The following DNAAF9 variants were observed in gnomAD, a reference collection of about 807,000 sequenced individuals.
The protein encoded by DNAAF9 is dynein axonemal assembly factor 9.
A neutral mutation model predicts 167.0 loss-of-function variants in DNAAF9; 90 were observed. The observed-to-expected ratio is 0.54, with a 90% CI of 0.45 to 0.64. The LOEUF is 0.64. Among genes scored for constraint, DNAAF9 ranks in the 30% least tolerant of loss-of-function variants. The pLI, the probability that DNAAF9 is intolerant of heterozygous loss-of-function variation, is 0.00. For synonymous variants in DNAAF9, 491 were observed against 508.8 expected (o/e 0.96, Z 0.47); for missense variants, 1,315 against 1,442.2 (o/e 0.91, Z 1.43).
At chr20:3,343,598 C>T (rs942477597) in intron 9 of DNAAF9, 78 bp downstream of exon 9, 43 of 1,056,662 alleles carry the variant, frequency 4.1e-5, no homozygotes, top group East Asian at 3.6e-4. Context: ...AACTTGAATG[C>T]ACCCCCACAG....
intron 12 of DNAAF9, among the ~76,000 whole-genome samples, chr20:3,327,053 G>A (rs1431645889): frequency 6.6e-6 from 1 of 152,064 alleles, no homozygotes; most frequent in African/African-American, 2.4e-5. Context: ...TGGAACCTCC[G>A]GGTAGGAGAC....
intron 3 of DNAAF9, among the ~76,000 whole-genome samples, chr20:3,378,084 T>G (rs1375099216): frequency 6.6e-6 from 1 of 152,162 alleles, no homozygotes; most frequent in African/African-American, 2.4e-5. Flanking sequence ...ACAGCCTCCA[T>G]CTACTGAGGC....
At chr20:3,299,683 T>C (rs898349503) in intron 21 of DNAAF9, among the ~76,000 whole-genome samples, 2 of 152,204 alleles carry the variant, frequency 1.3e-5, no homozygotes, top group Non-Finnish European at 2.9e-5. Context: ...CAAAAATGAT[T>C]TGATACAAAA....
At chr20:3,281,608 T>C in intron 28 of DNAAF9, 33 bp downstream of exon 28, 1 of 1,550,134 alleles carries the variant, frequency 6.5e-7, no homozygotes, top group Non-Finnish European at 8.7e-7. Flanking sequence ...CAAATCACTT[T>C]CAGTACACTT....
At position 3,294,130 on chromosome 20, in the gene DNAAF9, C is replaced by G. The variant is rs2069019468; in HGVS notation, c.2238+9G>C. 1 of 1,433,090 alleles carries G rather than the reference C, an allele frequency of 7.0e-7. No individual in the cohort carries two copies. Among genetic ancestry groups the G allele is most frequent in the South Asian group, 1.1e-5 (1 of 87,322 alleles). The allele number at this position is 1,433,090 out of a possible 1,614,324, so 88.8% of individuals were successfully genotyped here. ...GTGAATTCCCAGCATATCTGGTGAG[C>G]TCCTCTACCTTGTCACTTTCTATTC... On this transcript the variant is annotated intron_variant, in intron 25 of 36. Transcript: ENST00000252032.
At position 3,376,268 on chromosome 20, in the gene DNAAF9, A is replaced by T; in HGVS notation, c.318T>A (p.His106Gln). 1 of 1,612,590 alleles carries T rather than the reference A, an allele frequency of 6.2e-7. No individual in the cohort carries two copies. Among genetic ancestry groups the T allele is most frequent in the Non-Finnish European group, 8.5e-7 (1 of 1,178,998 alleles). ...VIILIKSDSV[H>Q]LYCNPVNFRY... ...GAAAGTTTACAGGATTACAGTACAGATGGACGCTATCCGATTTAATCAATA... is the reference window on the plus strand; with the variant it reads ...GAAAGTTTACAGGATTACAGTACAGTTGGACGCTATCCGATTTAATCAATA... Residue 106 changes from histidine to glutamine, a missense_variant, in exon 4 of 37, where the codon CAT (histidine) becomes CAA (glutamine). Physicochemically the swap from His to Gln is conservative, Grantham distance 24. Around this residue, in one of 2 missense-constraint regions of DNAAF9, gnomAD observed 981 missense variants for 1,012.5 expected, o/e 0.97. Transcript: ENST00000252032.
At chr20:3,400,630 TTTTC>T (rs1268558920) in intron 1 of DNAAF9, among the ~76,000 whole-genome samples, 12 of 152,152 alleles carry the variant, frequency 7.9e-5, no homozygotes, top group African/African-American at 1.9e-4. Flanking sequence ...CCTGCTTTGC[TTTTC>T]TTTCTTTTTT....
chr20:3,271,488 T>C (rs1462227284), intron 29 of DNAAF9, among the ~76,000 whole-genome samples: 5 of 152,276 alleles, frequency 3.3e-5, no homozygotes, highest in African/African-American at 1.2e-4. Flanking sequence ...ATCAGGAAAC[T>C]TACCACACTT....
At chr20:3,380,917 C>A (rs2083641018) in intron 3 of DNAAF9, among the ~76,000 whole-genome samples, 1 of 152,222 alleles carries the variant, frequency 6.6e-6, no homozygotes, top group Non-Finnish European at 1.5e-5. Context: ...ATTAAAGTCA[C>A]AGAGAAAATA....
Position 3,322,240 on chromosome 20 carries a change from C to A in DNAAF9, c.1333G>T (p.Asp445Tyr). 3.7e-6 allele frequency: 6 copies of A among 1,610,612 alleles called. No homozygotes were observed. Among genetic ancestry groups the A allele is most frequent in the Non-Finnish European group, 5.1e-6 (6 of 1,177,672 alleles). Residue 445 changes from aspartate to tyrosine, a missense_variant, in exon 16 of 37, where the codon GAT (aspartate) becomes TAT (tyrosine). By Grantham distance (160) the Asp-to-Tyr change is radical (BLOSUM62 -3). Coordinates refer to ENST00000252032, the MANE Select transcript of DNAAF9 (RefSeq NM_001009984.3). The part of the protein sequence containing the change: ...QGRIVPLDSE[D>Y]SLSFVKTACM... ...ACCGTCTTCACAAAGGATAAGCTAT[C>A]TTCACTGTCCAGCGGTACAATTCTA... is the stretch of plus-strand genomic sequence containing the variant.
chr20:3,330,143 GAA>G (rs1321286653), intron 12 of DNAAF9, among the ~76,000 whole-genome samples: 1 of 152,238 alleles, frequency 6.6e-6, no homozygotes, highest in Non-Finnish European at 1.5e-5. Context: ...AATCTAGAGA[GAA>G]GAGCAGATGG....
chr20:3,369,437 T>C (rs949450571), intron 6 of DNAAF9, among the ~76,000 whole-genome samples: 1 of 151,824 alleles, frequency 6.6e-6, no homozygotes, highest in South Asian at 2.1e-4. Flanking sequence ...AGTGTAGTGG[T>C]GCGATCTCAG....
chr20:3,349,425 T>G (rs2123140868), intron 7 of DNAAF9, among the ~76,000 whole-genome samples: 1 of 152,156 alleles, frequency 6.6e-6, no homozygotes, highest in South Asian at 2.1e-4. Flanking sequence ...GCACCTTATT[T>G]TAGCAACCCT....
chr20:3,260,821 G>GA (rs2068372540), intron 31 of DNAAF9, among the ~76,000 whole-genome samples: 1 of 152,172 alleles, frequency 6.6e-6, no homozygotes, highest in Non-Finnish European at 1.5e-5. Context: ...TTGTAGAGAC[G>GA]AGGTTTTGCC....
At chr20:3,358,846 T>C (rs1300040715) in intron 7 of DNAAF9, among the ~76,000 whole-genome samples, 1 of 152,204 alleles carries the variant, frequency 6.6e-6, no homozygotes, top group African/African-American at 2.4e-5. Flanking sequence ...TATCTATCTA[T>C]GGCCACTGAG....
At chr20:3,312,438 T>C (rs1450345045) in intron 20 of DNAAF9, among the ~76,000 whole-genome samples, 2 of 150,656 alleles carry the variant, frequency 1.3e-5, no homozygotes, top group Non-Finnish European at 3.0e-5. Context: ...AAAAAAAAAG[T>C]ATGGAAAAAA....
intron 11 of DNAAF9, among the ~76,000 whole-genome samples, 166 bp from the exon 12 acceptor site, chr20:3,330,848 G>C (rs1488152358): frequency 6.7e-6 from 1 of 149,690 alleles, no homozygotes; most frequent in Non-Finnish European, 1.5e-5. Context: ...CTGGAGTGCA[G>C]TGGCGTAATC....
intron 1 of DNAAF9, among the ~76,000 whole-genome samples, chr20:3,388,426 G>A (rs1221782116): frequency 6.6e-6 from 1 of 152,084 alleles, no homozygotes; most frequent in East Asian, 1.9e-4. Context: ...TGAAAGCAGG[G>A]ACTGAAAAAG....
rs142832385 is a variant in DNAAF9, at chr20:3,304,498, C to T, written c.1724G>A (p.Arg575His). ...CTTGGAAATGATGATACTTCTATGACGACAGTGAGAAAACAGAAGGCCACT... is the reference window on the plus strand; with the variant it reads ...CTTGGAAATGATGATACTTCTATGATGACAGTGAGAAAACAGAAGGCCACT... ...FSSGLLFSHC[R>H]HRSIIISKDH... The change falls in exon 21 of 37, where the codon CGT (arginine) becomes CAT (histidine). Residue 575 changes from arginine to histidine, a missense_variant. Around this residue, in one of 2 missense-constraint regions of DNAAF9, gnomAD observed 981 missense variants for 1,012.5 expected, o/e 0.97. Coordinates refer to ENST00000252032, the MANE Select transcript of DNAAF9 (RefSeq NM_001009984.3). The T allele has an allele frequency of 5.0e-4, 754 of 1,521,040 alleles. No homozygotes were observed. Among genetic ancestry groups the T allele is most frequent in the Admixed American group, 8.2e-4 (49 of 59,796 alleles). 94.2% of individuals were successfully genotyped at this position (1,521,040 alleles called of 1,614,324 possible). A position where few individuals can be genotyped will look rare whatever the true frequency, so the allele number is the denominator to read the frequency against.
Sources: gnomAD v4.1 joint callset for allele counts (sites outside exome capture counted in the v4.1 genomes callset) on GRCh38, gnomAD v4.1.1 for gene constraint, gnomAD v4.1.1 regional missense constraint, MANE v1.5 for transcripts, NCBI Gene and HGNC (gene_info 2026-07-23, HGNC 2026-07-21) for gene names.